The following SMYD3 variants were observed in gnomAD, a reference collection of about 807,000 sequenced individuals.
SMYD3 encodes SET and MYND domain containing 3, also known as histone-lysine N-methyltransferase SMYD3.
A neutral mutation model predicts 57.7 loss-of-function variants in SMYD3; 36 were observed. The ratio of observed to expected loss-of-function variants is 0.62; its 90% confidence interval spans 0.48 to 0.82. SMYD3 has a LOEUF of 0.82. SMYD3 is among the 40% of genes least tolerant of loss of function. The pLI is 0.00. For missense variants in SMYD3, 515 were observed against 538.8 expected, an observed-to-expected ratio of 0.96 and a Z score of 0.44; for synonymous variants, 211 against 195.0, an observed-to-expected ratio of 1.08 and a Z score of -0.68.
At chr1:245,942,793 C>T (rs1317065851) in intron 5 of SMYD3, among the ~76,000 whole-genome samples, 1 of 152,126 alleles carries the variant, frequency 6.6e-6, no homozygotes, top group Non-Finnish European at 1.5e-5. Context: ...TCTCTCAGAC[C>T]ACAGCACAAT....
intron 10 of SMYD3, among the ~76,000 whole-genome samples, chr1:245,791,952 T>TTGTGTGTGTGTGTGTGTG (rs59018021): frequency 1.2e-3 from 180 of 146,228 alleles, no homozygotes; most frequent in African/African-American, 4.1e-3. Context: ...AATTTTAAAC[T>TTGTGTGTGTGTGTGTGTG]TGTGTGTGTG....
chr1:245,934,820 T>C (rs917874086), intron 5 of SMYD3, among the ~76,000 whole-genome samples: 2 of 152,106 alleles, frequency 1.3e-5, no homozygotes, highest in African/African-American at 4.8e-5. Flanking sequence ...TGCCAGGAAG[T>C]TGCTGGAGGG....
intron 10 of SMYD3, among the ~76,000 whole-genome samples, chr1:245,836,809 C>A (rs2050128945): frequency 6.6e-6 from 1 of 152,112 alleles, no homozygotes; most frequent in South Asian, 2.1e-4. Context: ...GAAACCTTGA[C>A]AAGGCAAAGC....
chr1:246,051,556 G>A (rs748693118), intron 5 of SMYD3, among the ~76,000 whole-genome samples: 9 of 150,834 alleles, frequency 6.0e-5, no homozygotes, highest in Middle Eastern at 3.2e-3. Flanking sequence ...GTCACTTTCC[G>A]TTTTCCAATC....
intron 5 of SMYD3, among the ~76,000 whole-genome samples, chr1:246,265,497 T>C (rs909674756): frequency 3.9e-5 from 6 of 152,100 alleles, no homozygotes; most frequent in African/African-American, 1.4e-4. Context: ...TCTCATTTTG[T>C]GAAGTGTGAG....
chr1:245,917,417 CATAGG>C (rs1238601789), intron 7 of SMYD3, among the ~76,000 whole-genome samples: 2 of 152,224 alleles, frequency 1.3e-5, no homozygotes, highest in African/African-American at 4.8e-5. Flanking sequence ...GGTCCTTCGT[CATAGG>C]TAGAGAAGCA....
chr1:246,304,002 T>A lies in SMYD3; in HGVS notation c.531+23199A>T, dbSNP rs549191031. On this transcript the variant is annotated intron_variant, in intron 5 of 11. Transcript: ENST00000490107. Reference sequence around the variant, plus strand: ...TCATCTACTTTAGACTGGAATCCAGTTGGAAATAAGTTCAGGATATTCAAT... The same window carrying A: ...TCATCTACTTTAGACTGGAATCCAGATGGAAATAAGTTCAGGATATTCAAT... Among the ~76,000 whole-genome samples the A allele has an allele frequency of 3.3e-5, 5 of 152,284 alleles. No individual in the cohort carries two copies. The South Asian group carries it at 1.0e-3, about 32-fold the overall frequency.
chr1:246,478,514 G>A (rs1158321664), intron 1 of SMYD3, among the ~76,000 whole-genome samples: 5 of 109,944 alleles, frequency 4.5e-5, no homozygotes, highest in Non-Finnish European at 1.9e-5. Context: ...CCTCTGTCCT[G>A]GAGCTGGTAC....
rs752244243 is a variant in SMYD3, at chr1:246,355,835, C to T, written c.165-741G>A. On this transcript the variant is annotated intron_variant, in intron 1 of 11. Transcript: ENST00000490107. The surrounding 1 kb of genome is among the most constrained non-coding windows in gnomAD (Gnocchi z 5.0). ...TGAGCTCAGACACACCTATCCCTGC[C>T]CCCTGGTGGTCTTTCTCTACCAGCC... 1.2e-4 allele frequency among the ~76,000 whole-genome samples: 19 copies of T among 152,150 alleles called. No homozygotes were observed. Among genetic ancestry groups the T allele is most frequent in the Non-Finnish European group, 2.5e-4 (17 of 68,020 alleles).
At chr1:245,856,846 AT>A (rs1252488832) in intron 10 of SMYD3, among the ~76,000 whole-genome samples, 1 of 151,928 alleles carries the variant, frequency 6.6e-6, no homozygotes, top group Non-Finnish European at 1.5e-5. Context: ...AAAGAAGGGT[AT>A]TTTTCAGTCT....
intron 11 of SMYD3, among the ~76,000 whole-genome samples, chr1:245,762,957 G>C (rs2045918133): frequency 6.6e-6 from 1 of 152,142 alleles, no homozygotes; most frequent in Non-Finnish European, 1.5e-5. Context: ...CAACCCACCA[G>C]TGCCTGGCCA....
At chr1:246,153,796 A>C in intron 5 of SMYD3, among the ~76,000 whole-genome samples, 1 of 151,910 alleles carries the variant, frequency 6.6e-6, no homozygotes, top group South Asian at 2.1e-4. Context: ...AAACAATCCC[A>C]CCTTTAACCT....
chr1:246,079,624 C>T (rs954603506), intron 5 of SMYD3, among the ~76,000 whole-genome samples: 4 of 152,154 alleles, frequency 2.6e-5, no homozygotes, highest in Non-Finnish European at 5.9e-5. Context: ...CTGTCACTCA[C>T]AGAATTCAAG....
chr1:246,395,269 TAAATGCC>T (rs1251134789), intron 1 of SMYD3, among the ~76,000 whole-genome samples: 2 of 152,242 alleles, frequency 1.3e-5, no homozygotes, highest in Admixed American at 1.3e-4. Context: ...AGGAAAGCTC[TAAATGCC>T]AAAGTCCAAG....
intron 5 of SMYD3, among the ~76,000 whole-genome samples, chr1:246,034,183 T>C (rs555345515): frequency 2.0e-5 from 3 of 152,316 alleles, no homozygotes; most frequent in South Asian, 4.1e-4. Context: ...AGATTTTTAT[T>C]TGTGGATCAA....
chr1:246,040,616 C>T (rs1343465301), intron 5 of SMYD3, among the ~76,000 whole-genome samples: 1 of 152,164 alleles, frequency 6.6e-6, no homozygotes, highest in African/African-American at 2.4e-5. Flanking sequence ...TCAGCTGGGG[C>T]TTATATTAAA....
intron 5 of SMYD3, among the ~76,000 whole-genome samples, chr1:246,034,106 A>T (rs1168183192): frequency 6.6e-6 from 1 of 152,238 alleles, no homozygotes; most frequent in African/African-American, 2.4e-5. Flanking sequence ...CTTGGCAATA[A>T]CAGAAGCTCA....
intron 1 of SMYD3, among the ~76,000 whole-genome samples, chr1:246,429,715 C>CAT (rs1478353975): frequency 6.6e-6 from 1 of 152,218 alleles, no homozygotes; most frequent in African/African-American, 2.4e-5. Context: ...CAATATCCAC[C>CAT]ATATGCCAGG....
At chr1:245,794,037 A>G (rs1205487898) in intron 10 of SMYD3, among the ~76,000 whole-genome samples, 1 of 152,154 alleles carries the variant, frequency 6.6e-6, no homozygotes, top group African/African-American at 2.4e-5. Context: ...TTTAAATTTC[A>G]TCTTAATCAT....
Sources: gnomAD v4.1 joint callset for allele counts (sites outside exome capture counted in the v4.1 genomes callset) on GRCh38, gnomAD v4.1.1 for gene constraint, Gnocchi (gnomAD v3.1) non-coding constraint, MANE v1.5 for transcripts, NCBI Gene and HGNC (gene_info 2026-07-23, HGNC 2026-07-21) for gene names.